PAX8: variants seen among roughly 807,000 people sequenced by gnomAD.
The protein encoded by PAX8 is paired box 8, also known as paired box protein Pax-8.
A neutral mutation model predicts 52.4 loss-of-function variants in PAX8; 15 were observed. That is an observed-to-expected ratio of 0.29 (90% CI 0.19 to 0.44). The LOEUF is 0.44. Ranked by LOEUF, PAX8 falls within the 20% of genes least tolerant of loss-of-function variation. The probability of loss-of-function intolerance (pLI) is 1.00; values close to 1 mark genes in which losing one functional copy is unlikely to be tolerated. For synonymous variants in PAX8, 284 were observed against 249.7 expected (o/e 1.14, Z -1.29); for missense variants, 554 against 602.5 (o/e 0.92, Z 0.84).
chr2:113,235,723 G>A, intron 8 of PAX8, 141 bp from the exon 9 acceptor site: 1 of 639,260 alleles, frequency 1.6e-6, no homozygotes. Flanking sequence ...GGGCTGGGGA[G>A]AGCCGGGGCC....
chr2:113,255,773 C>T (rs1045995631), intron 2 of PAX8, among the ~76,000 whole-genome samples: 1 of 152,182 alleles, frequency 6.6e-6, no homozygotes, highest in Admixed American at 6.5e-5. Flanking sequence ...TCTACACAGA[C>T]TCCTCCCTCA....
At position 113,236,665 on chromosome 2, in the gene PAX8, C is replaced by G; in HGVS notation, c.834G>C (p.Leu278=). 2 of 1,594,468 alleles carry G rather than the reference C, an allele frequency of 1.3e-6. No homozygotes were observed. The highest frequency in any genetic ancestry group is 1.7e-6 in the Non-Finnish European group (2 of 1,170,870). The part of the protein sequence containing the change: ...NSTLDDGKAT[L]TPSNTPLGRN... ...GCCCCAGTGGCGTGTTGGAAGGGGTCAGGGTGGCCTTCCCGTCGTCCAGGG... is the reference window on the plus strand; with the variant it reads ...GCCCCAGTGGCGTGTTGGAAGGGGTGAGGGTGGCCTTCCCGTCGTCCAGGG... The change falls in exon 8 of 12, where the codon CTG becomes CTC. Residue 278 remains leucine, a synonymous_variant. Transcript: ENST00000429538.
intron 7 of PAX8, 66 bp from the exon 8 acceptor site, chr2:113,236,787 A>G: frequency 6.5e-7 from 1 of 1,530,912 alleles, no homozygotes; most frequent in Non-Finnish European, 8.8e-7. Flanking sequence ...GCAGACCCTG[A>G]GCCTGTGTCT....
chr2:113,270,331 A>G (rs964951763), intron 2 of PAX8: 3 of 152,232 alleles, frequency 2.0e-5, no homozygotes, highest in Admixed American at 6.5e-5. Flanking sequence ...TTTTACTCAC[A>G]TGACTCCCCA....
At chr2:113,219,773 G>A (rs1259231598) in intron 11 of PAX8, among the ~76,000 whole-genome samples, 1 of 152,140 alleles carries the variant, frequency 6.6e-6, no homozygotes, top group East Asian at 1.9e-4. Flanking sequence ...CCTCTCTTAG[G>A]CTTTTCTCAA....
intron 2 of PAX8, among the ~76,000 whole-genome samples, chr2:113,258,277 CCATTCTCTTTGTTTA>C (rs1692410171): frequency 6.6e-6 from 1 of 152,228 alleles, no homozygotes; most frequent in Non-Finnish European, 1.5e-5. Context: ...TGGTTGTCCT[CCATTCTCTTTGTTTA>C]CATCCATCGC....
intron 2 of PAX8, among the ~76,000 whole-genome samples, chr2:113,255,877 C>A (rs1362047496): frequency 3.9e-5 from 6 of 151,980 alleles, no homozygotes; most frequent in African/African-American, 1.5e-4. Flanking sequence ...GGGTTAGCAG[C>A]AAATGCTACC....
At chr2:113,226,117 C>A in intron 10 of PAX8, 1 of 985,554 alleles carries the variant, frequency 1.0e-6, no homozygotes, top group Non-Finnish European at 1.2e-6. Context: ...TCCCTCCCTT[C>A]CCTCTGCCCA....
intron 2 of PAX8, among the ~76,000 whole-genome samples, chr2:113,258,343 T>A (rs934386159): frequency 1.3e-5 from 2 of 152,216 alleles, no homozygotes; most frequent in Non-Finnish European, 2.9e-5. Context: ...TGGGTTTGCA[T>A]CCCTGCCCTC....
At chr2:113,218,646 G>T (rs1408097497) in intron 11 of PAX8, 37 bp from the exon 12 acceptor site, 1 of 1,376,214 alleles carries the variant, frequency 7.3e-7, no homozygotes, top group Middle Eastern at 1.8e-4. Context: ...CAACACTGCT[G>T]GTCAGAAAGG....
chr2:113,256,287 CA>C (rs756603338), intron 2 of PAX8, among the ~76,000 whole-genome samples: 15 of 152,176 alleles, frequency 9.9e-5, no homozygotes, highest in Non-Finnish European at 1.3e-4. Context: ...CTGGAGGAAT[CA>C]AAGGGAAGAA....
intron 2 of PAX8, among the ~76,000 whole-genome samples, chr2:113,258,765 C>T (rs150628515): frequency 3.3e-5 from 5 of 152,158 alleles, no homozygotes; most frequent in Non-Finnish European, 7.3e-5. Context: ...TGGTCTACCC[C>T]CCTCTCTCTT....
chr2:113,244,315 A>G lies in PAX8; in HGVS notation c.389+112T>C, dbSNP rs1691131321. On this transcript the variant is annotated intron_variant, in intron 4 of 11. Coordinates refer to ENST00000429538, the MANE Select transcript of PAX8 (RefSeq NM_003466.4). ...GCTCCCTGCCTGATTGTTCAGCATC[A>G]GGCCCCTTCCCGGCCTCTGCTCCAC... 5 of 826,974 alleles carry G rather than the reference A, an allele frequency of 6.0e-6. No homozygotes were observed. The Admixed American group carries it at 8.6e-5, about 14-fold the overall frequency. 51.2% of individuals were successfully genotyped at this position (826,974 alleles called of 1,614,324 possible).
chr2:113,273,348 G>A (rs2289896), intron 2 of PAX8: 6,360 of 152,316 alleles, frequency 0.042, 216 homozygotes, highest in South Asian at 0.14. Flanking sequence ...GGTCCTCAGG[G>A]AGTCTTCTTG....
At chr2:113,232,380 C>T (rs1689949907) in intron 9 of PAX8, among the ~76,000 whole-genome samples, 1 of 152,234 alleles carries the variant, frequency 6.6e-6, no homozygotes. Context: ...TGCCTCTGTG[C>T]TGAATTGTCA....
In PAX8 at chr2:113,242,137, T is replaced by G. The variant is rs745707968; in HGVS notation, c.479-7A>C. 6.2e-7 allele frequency: 1 copy of G among 1,602,832 alleles called. No individual in the cohort carries two copies. The highest frequency in any genetic ancestry group is 8.5e-7 in the Non-Finnish European group (1 of 1,174,386). On this transcript the variant is annotated splice_polypyrimidine_tract_variant and splice_region_variant and intron_variant, in intron 5 of 11. Coordinates refer to ENST00000429538, the MANE Select transcript of PAX8 (RefSeq NM_003466.4). ...GTTACAGCTGAGCTGGGGACTGCAG[T>G]GGGGGAGAGGGAGAGGGTCAGGGGT...
chr2:113,244,661 A>C, intron 3 of PAX8, 37 bp from the exon 4 acceptor site: 1 of 1,588,202 alleles, frequency 6.3e-7, no homozygotes, highest in Admixed American at 1.7e-5. Flanking sequence ...TTACCCAATA[A>C]GCAGGTGGGG....
At chr2:113,223,813 G>T (rs1388106124) in intron 10 of PAX8, among the ~76,000 whole-genome samples, 1 of 152,214 alleles carries the variant, frequency 6.6e-6, no homozygotes, top group Non-Finnish European at 1.5e-5. Context: ...AGGAATAAAG[G>T]AATCTGACTT....
At chr2:113,235,368 A>C in intron 9 of PAX8, 26 bp downstream of exon 9, 4 of 1,546,414 alleles carry the variant, frequency 2.6e-6, no homozygotes, top group Non-Finnish European at 3.5e-6. Context: ...CCATAGCTGC[A>C]TGGCCCCGGG....
Sources: gnomAD v4.1 joint callset for allele counts (sites outside exome capture counted in the v4.1 genomes callset) on GRCh38, gnomAD v4.1.1 for gene constraint, MANE v1.5 for transcripts, NCBI Gene and HGNC (gene_info 2026-07-23, HGNC 2026-07-21) for gene names.